The following KSR2 variants were observed in gnomAD, a reference collection of about 807,000 sequenced individuals.
KSR2 encodes kinase suppressor of ras 2.
A neutral mutation model predicts 107.8 loss-of-function variants in KSR2; 25 were observed. The ratio of observed to expected loss-of-function variants is 0.23; its 90% CI spans 0.17 to 0.32. The LOEUF is 0.32. Among genes scored for constraint, KSR2 ranks in the 10% least tolerant of loss-of-function variants. KSR2 has a pLI of 1.00. For missense variants in KSR2, 887 were observed against 1,268.9 expected (o/e 0.70, Z 4.57); for synonymous variants, 480 against 507.0 (o/e 0.95, Z 0.71).
chr12:117,620,240 T>G (rs1326149235), intron 5 of KSR2, among the ~76,000 whole-genome samples: 1 of 152,126 alleles, frequency 6.6e-6, no homozygotes, highest in Non-Finnish European at 1.5e-5. Context: ...AAAACCACCT[T>G]CATCATATGT....
intron 1 of KSR2, among the ~76,000 whole-genome samples, chr12:117,888,133 T>C (rs17619337): frequency 0.17 from 26,324 of 152,136 alleles, 2,531 homozygotes; most frequent in East Asian, 0.36. Flanking sequence ...AGAATAACCA[T>C]CAAACTACCA....
intron 1 of KSR2, among the ~76,000 whole-genome samples, chr12:117,874,604 C>T (rs1893768449): frequency 6.6e-6 from 1 of 152,130 alleles, no homozygotes; most frequent in African/African-American, 2.4e-5. Context: ...CGTGATCACA[C>T]AGATAAAGCA....
At chr12:117,828,002 A>G (rs574808234) in intron 3 of KSR2, among the ~76,000 whole-genome samples, 1 of 152,194 alleles carries the variant, frequency 6.6e-6, no homozygotes, top group East Asian at 1.9e-4. Flanking sequence ...TATCTTCCCT[A>G]TCTCCTGGGG....
At chr12:117,815,177 T>C (rs1173566167) in intron 3 of KSR2, among the ~76,000 whole-genome samples, 2 of 152,232 alleles carry the variant, frequency 1.3e-5, no homozygotes, top group Non-Finnish European at 2.9e-5. Flanking sequence ...ATTACAATTC[T>C]ATATTTCACA....
At chr12:117,827,760 C>T (rs1891812285) in intron 3 of KSR2, among the ~76,000 whole-genome samples, 1 of 152,118 alleles carries the variant, frequency 6.6e-6, no homozygotes, top group Non-Finnish European at 1.5e-5. Flanking sequence ...GAGGTTTAGA[C>T]TCATTAAACC....
intron 16 of KSR2, among the ~76,000 whole-genome samples, chr12:117,477,655 A>G (rs1225799963): frequency 1.3e-5 from 2 of 152,234 alleles, no homozygotes; most frequent in Non-Finnish European, 2.9e-5. Flanking sequence ...CAAGGAGAAT[A>G]TCTAGACAGA....
At chr12:117,523,681 AG>A (rs1874917596) in intron 14 of KSR2, among the ~76,000 whole-genome samples, 1 of 152,214 alleles carries the variant, frequency 6.6e-6, no homozygotes, top group Non-Finnish European at 1.5e-5. Flanking sequence ...CATGAAAACC[AG>A]AGTAACACTT....
chr12:117,672,412 G>A (rs1225266640), intron 4 of KSR2, among the ~76,000 whole-genome samples: 1 of 152,118 alleles, frequency 6.6e-6, no homozygotes, highest in African/African-American at 2.4e-5. Context: ...GGGCAATGGG[G>A]AGAATACTAA....
intron 3 of KSR2, among the ~76,000 whole-genome samples, chr12:117,777,348 G>A (rs954791140): frequency 2.0e-5 from 3 of 151,876 alleles, no homozygotes; most frequent in Non-Finnish European, 2.9e-5. Flanking sequence ...ATGCTTTGGG[G>A]CCATTGTAAA....
At chr12:117,651,584 A>C (rs1883908551) in intron 5 of KSR2, among the ~76,000 whole-genome samples, 1 of 152,236 alleles carries the variant, frequency 6.6e-6, no homozygotes, top group South Asian at 2.1e-4. Flanking sequence ...GAGTTAAAAA[A>C]AGGTTCTAAT....
At chr12:117,850,723 C>T (rs1318740483) in intron 3 of KSR2, among the ~76,000 whole-genome samples, 2 of 151,618 alleles carry the variant, frequency 1.3e-5, no homozygotes, top group Admixed American at 6.6e-5. Flanking sequence ...GTGGGGGGAT[C>T]GCTTGACCCC....
At chr12:117,476,643 G>A (rs777039226) in intron 16 of KSR2, 48 bp from the exon 17 acceptor site, 1 of 1,565,258 alleles carries the variant, frequency 6.4e-7, no homozygotes, top group African/African-American at 1.3e-5. Flanking sequence ...GCCCAGGGTG[G>A]ACCAGTCCCC....
rs147587672 is a variant in KSR2 at position 117,790,166 on chromosome 12, T to C, written c.473-28642A>G. Among the ~76,000 whole-genome samples the C allele has an allele frequency of 4.6e-3, 698 of 152,256 alleles. 9 individuals carry two copies. The highest frequency in any genetic ancestry group is 0.016 in the African/African-American group (678 of 41,548). ...GACAGGTCTCAACCAATTTAGAAAG[T>C]GTATTTTGCCAAGGTTAAGGACGTG... On this transcript the variant is annotated intron_variant, in intron 3 of 19. Coordinates refer to ENST00000339824, the MANE Select transcript of KSR2 (RefSeq NM_173598.6).
chr12:117,526,093 C>A lies in KSR2; in HGVS notation c.1852-874G>T, dbSNP rs533174342. On this transcript the variant is annotated intron_variant, in intron 13 of 19. Coordinates refer to ENST00000339824, the MANE Select transcript of KSR2 (RefSeq NM_173598.6). ...AGACCTGACCATCTGTATTAAACAC[C>A]GACTGGGAGGCCCGAGAAAATGCAG... 2.4e-3 allele frequency among the ~76,000 whole-genome samples: 367 copies of A among 152,240 alleles called. 1 individual carries two copies. Among genetic ancestry groups the A allele is most frequent in the Non-Finnish European group, 4.1e-3 (278 of 68,018 alleles).
chr12:117,814,231 T>C (rs7309450), intron 3 of KSR2, among the ~76,000 whole-genome samples: 17,238 of 152,100 alleles, frequency 0.11, 1,333 homozygotes, highest in African/African-American at 0.21. Flanking sequence ...CAATAATATA[T>C]ACAGTTAATA....
chr12:117,940,590 G>A (rs1195049928), intron 1 of KSR2, among the ~76,000 whole-genome samples: 1 of 152,090 alleles, frequency 6.6e-6, no homozygotes, highest in African/African-American at 2.4e-5. Flanking sequence ...TAAACCTTTT[G>A]CCACTTTTCA....
intron 5 of KSR2, among the ~76,000 whole-genome samples, chr12:117,611,643 T>C (rs1245474600): frequency 6.6e-6 from 1 of 152,110 alleles, no homozygotes; most frequent in Non-Finnish European, 1.5e-5. Context: ...AGGTCCCGAG[T>C]AGAAATGACA....
chr12:117,938,547 T>TA (rs1895911084), intron 1 of KSR2, among the ~76,000 whole-genome samples: 1 of 135,200 alleles, frequency 7.4e-6, no homozygotes, highest in South Asian at 2.4e-4. Flanking sequence ...CCCTAAAACT[T>TA]AAAGTATAAT....
At chr12:117,651,399 C>G (rs1450585970) in intron 5 of KSR2, among the ~76,000 whole-genome samples, 3 of 152,120 alleles carry the variant, frequency 2.0e-5, no homozygotes, top group African/African-American at 4.8e-5. Flanking sequence ...GCACTACACT[C>G]TAAAAGAACT....
Sources: allele counts gnomAD v4.1 joint callset (sites outside exome capture counted in the v4.1 genomes callset), GRCh38; gene constraint gnomAD v4.1.1; transcripts MANE v1.5; gene names NCBI Gene and HGNC (gene_info 2026-07-23, HGNC 2026-07-21).